The following ABCD3 variants were observed in gnomAD, a reference collection of about 807,000 sequenced individuals.
ABCD3 encodes the protein ATP-binding cassette sub-family D member 3.
Under a neutral mutation model 105.5 loss-of-function variants are expected in ABCD3, and 41 were observed. That is an observed-to-expected ratio of 0.39 (90% CI 0.30 to 0.50). The LOEUF is 0.50. Among genes scored for constraint, ABCD3 ranks in the 20% least tolerant of loss-of-function variants. The probability of loss-of-function intolerance (pLI) is 0.84; values close to 1 mark genes in which losing one functional copy is unlikely to be tolerated. For missense variants in ABCD3, 622 were observed against 806.3 expected, an observed-to-expected ratio of 0.77 and a Z score of 2.77; for synonymous variants, 258 against 269.0, an observed-to-expected ratio of 0.96 and a Z score of 0.40.
Position 94,517,239 on chromosome 1 carries a change from A to AG in ABCD3, c.*110_*111insG. The AG allele has an allele frequency of 1.2e-6, 1 of 818,598 alleles. No homozygotes were observed. The highest frequency in any genetic ancestry group is 2.0e-6 in the Non-Finnish European group (1 of 489,076). 50.7% of individuals were successfully genotyped at this position (818,598 alleles called of 1,614,324 possible). ...AGCTTAGTTTTTTTTAAAAAAAAAA[A>AG]CAAAGCAACAAATTAACTAGATACA... On this transcript the variant is annotated 3_prime_UTR_variant, in exon 23 of 23. Coordinates refer to ENST00000370214, the MANE Select transcript of ABCD3 (RefSeq NM_002858.4).
rs896949948 is a variant in ABCD3, at chr1:94,447,097, A to G, written c.111-11510A>G. Among the ~76,000 whole-genome samples the G allele has an allele frequency of 2.6e-5, 4 of 152,234 alleles. No individual in the cohort carries two copies. In the East Asian group the frequency reaches 5.8e-4, roughly 22 times the overall value. On this transcript the variant is annotated intron_variant, in intron 1 of 22. Coordinates refer to ENST00000370214, the MANE Select transcript of ABCD3 (RefSeq NM_002858.4). ...TAGGATATCATTTTTGATGGCAGCCATTGTTCAGCCTCTAGAACCTATACC... is the reference window on the plus strand; with the variant it reads ...TAGGATATCATTTTTGATGGCAGCCGTTGTTCAGCCTCTAGAACCTATACC...
intron 2 of ABCD3, among the ~76,000 whole-genome samples, chr1:94,459,957 A>T (rs1647786493): frequency 1.3e-5 from 2 of 152,210 alleles, no homozygotes; most frequent in African/African-American, 4.8e-5. Flanking sequence ...TTTATTGCTG[A>T]ATAGTGTTCT....
At position 94,491,128 on chromosome 1, in the gene ABCD3, G is replaced by A. The variant is rs373640801; in HGVS notation, c.1323-56G>A. ...TTATTTGTATTTTTGGTATTGAGTTGTATTAGTTCCTTATATACTTTAAAG... is the reference window on the plus strand; with the variant it reads ...TTATTTGTATTTTTGGTATTGAGTTATATTAGTTCCTTATATACTTTAAAG... On this transcript the variant is annotated intron_variant, in intron 15 of 22. Coordinates refer to ENST00000370214, the MANE Select transcript of ABCD3 (RefSeq NM_002858.4). 3.2e-4 allele frequency: 397 copies of A among 1,225,358 alleles called. 1 individual carries two copies. In the South Asian group the frequency reaches 3.8e-3, roughly 12 times the overall value. 75.9% of individuals were successfully genotyped at this position (1,225,358 alleles called of 1,614,324 possible). A position where few individuals can be genotyped will look rare whatever the true frequency, so the allele number is the denominator to read the frequency against.
At chr1:94,460,301 T>A (rs1647803204) in intron 2 of ABCD3, among the ~76,000 whole-genome samples, 1 of 152,152 alleles carries the variant, frequency 6.6e-6, no homozygotes, top group South Asian at 2.1e-4. Context: ...ATCTACAAAT[T>A]TAATTTGCCT....
rs578037714 is a variant in ABCD3, at chr1:94,475,845, A to G, written c.627+108A>G. On this transcript the variant is annotated intron_variant, in intron 7 of 22. Transcript: ENST00000370214. ...GTGGACATAACAGCAGCATGTAAATATTTAATGCTTTTATAAGAAAATTAG... is the reference window on the plus strand; with the variant it reads ...GTGGACATAACAGCAGCATGTAAATGTTTAATGCTTTTATAAGAAAATTAG... 23 of 851,240 alleles carry G rather than the reference A, an allele frequency of 2.7e-5. No homozygotes were observed. In the African/African-American group the frequency reaches 3.8e-4, roughly 14 times the overall value. 52.7% of individuals were successfully genotyped at this position (851,240 alleles called of 1,614,324 possible). A position where few individuals can be genotyped will look rare whatever the true frequency, so the allele number is the denominator to read the frequency against.
At chr1:94,389,813 T>C in the ABCD3 span, among the ~76,000 whole-genome samples, 16 of 152,354 alleles carry the variant, frequency 1.1e-4, no homozygotes, top group Middle Eastern at 3.4e-3. Context: ...ATAGTCCTTA[T>C]GGCTGCAGCG....
At chr1:94,437,528 C>G (rs1055754655) in intron 1 of ABCD3, among the ~76,000 whole-genome samples, 2 of 152,174 alleles carry the variant, frequency 1.3e-5, no homozygotes, top group Admixed American at 6.5e-5. Flanking sequence ...AAAAAAGATT[C>G]CTTTCAAAAT....
chr1:94,426,032 T>C (rs1415810690), intron 1 of ABCD3, among the ~76,000 whole-genome samples: 2 of 152,176 alleles, frequency 1.3e-5, no homozygotes, highest in South Asian at 2.1e-4. Context: ...AACCCAGTGC[T>C]CAGTAAATAA....
intron 16 of ABCD3, among the ~76,000 whole-genome samples, chr1:94,494,454 A>G (rs1016412249): frequency 1.6e-4 from 25 of 152,146 alleles, no homozygotes; most frequent in African/African-American, 6.0e-4. Context: ...TCTCACATTC[A>G]TTATGTCTTT....
intron 9 of ABCD3, chr1:94,481,681 A>T (rs1041318714): frequency 1.3e-5 from 2 of 152,230 alleles, no homozygotes; most frequent in Non-Finnish European, 2.9e-5. Flanking sequence ...TACAGATTTC[A>T]CTAGCTCCTC....
chr1:94,450,237 G>A (rs527272139), intron 1 of ABCD3, among the ~76,000 whole-genome samples: 3 of 152,330 alleles, frequency 2.0e-5, no homozygotes, highest in South Asian at 2.1e-4. Context: ...CAACTCCTGC[G>A]AGAAGTAGCT....
chr1:94,431,592 C>T (rs1659684880), intron 1 of ABCD3, among the ~76,000 whole-genome samples: 1 of 152,096 alleles, frequency 6.6e-6, no homozygotes, highest in Admixed American at 6.5e-5. Context: ...GAGACAGACT[C>T]ACTCTGTGGC....
the ABCD3 span, among the ~76,000 whole-genome samples, chr1:94,399,721 A>G: frequency 1.2e-3 from 181 of 152,332 alleles, no homozygotes; most frequent in African/African-American, 4.2e-3. Context: ...AATCAAAAAA[A>G]CAAAACAAAA....
At chr1:94,422,558 T>C (rs1659300849) in intron 1 of ABCD3, among the ~76,000 whole-genome samples, 1 of 152,226 alleles carries the variant, frequency 6.6e-6, no homozygotes, top group Non-Finnish European at 1.5e-5. Flanking sequence ...ACTAGTTTGT[T>C]TTCTTGGCTT....
chr1:94,399,888 A>G, the ABCD3 span, among the ~76,000 whole-genome samples: 1 of 152,146 alleles, frequency 6.6e-6, no homozygotes, highest in African/African-American at 2.4e-5. Context: ...TTCTGGCTGC[A>G]CCAGCGATTT....
the ABCD3 span, among the ~76,000 whole-genome samples, chr1:94,401,348 C>A: frequency 6.6e-6 from 1 of 152,186 alleles, no homozygotes; most frequent in Non-Finnish European, 1.5e-5. Context: ...GGAATGGTGC[C>A]CAAACATGCC....
intron 2 of ABCD3, 142 bp downstream of exon 2, chr1:94,458,785 T>C: frequency 1.2e-6 from 1 of 808,036 alleles, no homozygotes; most frequent in Non-Finnish European, 2.0e-6. Flanking sequence ...ACAGGAATAC[T>C]CTCTGAAATA....
rs1211320714 is a variant in ABCD3 at position 94,501,635 on chromosome 1, G to C, written c.1740+2021G>C. 2.0e-5 allele frequency among the ~76,000 whole-genome samples: 3 copies of C among 152,100 alleles called. No homozygotes were observed. In the East Asian group the frequency reaches 5.8e-4, roughly 29 times the overall value. On this transcript the variant is annotated intron_variant, in intron 20 of 22. Transcript: ENST00000370214. ...CCACTTAGAACAGTGAGTCAGCCAGGGTTGCTCCAGCTAATGTCACAATTT... is the reference window on the plus strand; with the variant it reads ...CCACTTAGAACAGTGAGTCAGCCAGCGTTGCTCCAGCTAATGTCACAATTT...
chr1:94,401,595 C>T, the ABCD3 span, among the ~76,000 whole-genome samples: 1 of 152,170 alleles, frequency 6.6e-6, no homozygotes, highest in African/African-American at 2.4e-5. Context: ...TACCTTAGGT[C>T]TTCTTAAGAT....
Sources: allele counts gnomAD v4.1 joint callset (sites outside exome capture counted in the v4.1 genomes callset), GRCh38; gene constraint gnomAD v4.1.1; transcripts MANE v1.5; gene names NCBI Gene and HGNC (gene_info 2026-07-23, HGNC 2026-07-21).